FAM53B: variants seen among roughly 807,000 people sequenced by gnomAD.
The protein encoded by FAM53B is family with sequence similarity 53 member B.
Under a neutral mutation model 32.7 loss-of-function variants are expected in FAM53B, and 12 were observed. That is an observed-to-expected ratio of 0.37 (90% CI 0.24 to 0.59). FAM53B has a LOEUF of 0.59. FAM53B is among the 20% of genes least tolerant of loss of function. The probability of loss-of-function intolerance (pLI) is 0.72; values close to 1 mark genes in which losing one functional copy is unlikely to be tolerated. For synonymous variants in FAM53B, 234 were observed against 228.7 expected, an observed-to-expected ratio of 1.02 and a Z score of -0.21; for missense variants, 477 against 577.7, an observed-to-expected ratio of 0.83 and a Z score of 1.79.
At chr10:124,689,376 G>T (rs1230104266) in intron 3 of FAM53B, among the ~76,000 whole-genome samples, 1 of 152,214 alleles carries the variant, frequency 6.6e-6, no homozygotes, top group Admixed American at 6.5e-5. Flanking sequence ...CTCTTTGCCT[G>T]TATGACCAGA....
rs567842065 is a variant in FAM53B at position 124,689,254 on chromosome 10, C to T, written c.134-6875G>A. Among the ~76,000 whole-genome samples, 10 of 152,072 alleles carry T rather than the reference C, an allele frequency of 6.6e-5. No homozygotes were observed. In the East Asian group the frequency reaches 1.4e-3, roughly 21 times the overall value. ...AGGCGGTTTTGCTAAACTGATCTTA[C>T]GAAAAGAACATGGGGGTGGGGGGGA... On this transcript the variant is annotated intron_variant, in intron 3 of 4. Coordinates refer to ENST00000337318, the MANE Select transcript of FAM53B (RefSeq NM_014661.4).
At chr10:124,652,793 C>G (rs1269808947) in intron 4 of FAM53B, among the ~76,000 whole-genome samples, 2 of 152,154 alleles carry the variant, frequency 1.3e-5, no homozygotes, top group Non-Finnish European at 2.9e-5. Context: ...CAAGAGTACC[C>G]AGGGAACGGC....
At chr10:124,735,674 G>A (rs1012908717) in intron 1 of FAM53B, among the ~76,000 whole-genome samples, 5 of 152,182 alleles carry the variant, frequency 3.3e-5, no homozygotes, top group Admixed American at 2.6e-4. Flanking sequence ...TTCAGTCCTC[G>A]CAACAGCACG....
At chr10:124,693,979 C>T (rs935365791) in intron 3 of FAM53B, among the ~76,000 whole-genome samples, 10 of 152,228 alleles carry the variant, frequency 6.6e-5, no homozygotes, top group African/African-American at 1.9e-4. Context: ...CAGTGAAACA[C>T]GTCAGTGATG....
chr10:124,624,603 G>A (rs569163258), intron 4 of FAM53B, among the ~76,000 whole-genome samples: 1 of 152,292 alleles, frequency 6.6e-6, no homozygotes, highest in East Asian at 1.9e-4. Flanking sequence ...CACCAAGTGT[G>A]CTCCCAGGCT....
chr10:124,640,545 C>T (rs1949463811), intron 4 of FAM53B, among the ~76,000 whole-genome samples: 1 of 152,228 alleles, frequency 6.6e-6, no homozygotes, highest in Admixed American at 6.5e-5. Context: ...CCCCTAGAAT[C>T]TTGTCTTGTC....
intron 3 of FAM53B, among the ~76,000 whole-genome samples, chr10:124,695,240 T>A (rs976336335): frequency 6.6e-6 from 1 of 152,096 alleles, no homozygotes; most frequent in Non-Finnish European, 1.5e-5. Flanking sequence ...CACGCAGACG[T>A]TACAGAAACT....
intron 1 of FAM53B, among the ~76,000 whole-genome samples, chr10:124,709,205 G>A (rs1418356131): frequency 1.3e-5 from 2 of 152,258 alleles, no homozygotes; most frequent in Admixed American, 1.3e-4. Flanking sequence ...CAAGGGCCTG[G>A]CTATATGATG....
intron 4 of FAM53B, among the ~76,000 whole-genome samples, chr10:124,626,845 G>A (rs556061643): frequency 4.7e-4 from 72 of 152,322 alleles, no homozygotes; most frequent in African/African-American, 1.2e-3. Flanking sequence ...TGGGCATCAC[G>A]GCGCCAGGCA....
chr10:124,678,868 G>A (rs1949752181), intron 4 of FAM53B, among the ~76,000 whole-genome samples: 1 of 152,174 alleles, frequency 6.6e-6, no homozygotes, highest in South Asian at 2.1e-4. Flanking sequence ...ATGGCCAGAG[G>A]GAAGCCCCCG....
intron 4 of FAM53B, among the ~76,000 whole-genome samples, chr10:124,675,336 G>A (rs1373921441): frequency 6.6e-6 from 1 of 152,216 alleles, no homozygotes; most frequent in Non-Finnish European, 1.5e-5. Context: ...TCTCCTGGAA[G>A]CCTGATGCCA....
chr10:124,641,226 T>C lies in FAM53B; in HGVS notation c.907-17622A>G, dbSNP rs367805484. 1.9e-4 allele frequency among the ~76,000 whole-genome samples: 29 copies of C among 152,200 alleles called. 1 individual carries two copies. Among genetic ancestry groups the C allele is most frequent in the Admixed American group, 1.5e-3 (23 of 15,284 alleles). On this transcript the variant is annotated intron_variant, in intron 4 of 4. Transcript: ENST00000337318. ...ACACACATACCTCTTCCTCGATATG[T>C]TGGATTCACTTCAACATGTTGCAGT... is the stretch of plus-strand genomic sequence containing the variant.
At chr10:124,640,813 A>G (rs1949465674) in intron 4 of FAM53B, among the ~76,000 whole-genome samples, 1 of 152,154 alleles carries the variant, frequency 6.6e-6, no homozygotes. Context: ...ACCATGCAAT[A>G]CAGCCCCGAG....
chr10:124,685,991 A>C (rs1221424339), intron 3 of FAM53B, among the ~76,000 whole-genome samples: 1 of 152,064 alleles, frequency 6.6e-6, no homozygotes, highest in African/African-American at 2.4e-5. Flanking sequence ...CATTCCCCAC[A>C]ACAAACCCTA....
intron 4 of FAM53B, among the ~76,000 whole-genome samples, chr10:124,656,639 C>T (rs374183701): frequency 2.0e-5 from 3 of 152,158 alleles, no homozygotes; most frequent in Admixed American, 6.5e-5. Context: ...ACGACCCTCC[C>T]GAAGGGACAA....
intron 2 of FAM53B, among the ~76,000 whole-genome samples, chr10:124,702,125 G>A (rs1408621219): frequency 6.6e-6 from 1 of 152,168 alleles, no homozygotes; most frequent in Non-Finnish European, 1.5e-5. Context: ...GGGGACCCAG[G>A]GTGAGCTGCG....
intron 4 of FAM53B, among the ~76,000 whole-genome samples, chr10:124,670,926 G>A (rs967501893): frequency 6.6e-6 from 1 of 152,200 alleles, no homozygotes; most frequent in African/African-American, 2.4e-5. Flanking sequence ...AACATCCCCA[G>A]GGCCTAGCTG....
chr10:124,737,663 C>T (rs1026710323), intron 1 of FAM53B, among the ~76,000 whole-genome samples: 1 of 152,212 alleles, frequency 6.6e-6, no homozygotes, highest in African/African-American at 2.4e-5. Context: ...AGCTCTCACT[C>T]TCCAAGCCCC....
At chr10:124,717,565 C>G (rs1034866996) in intron 1 of FAM53B, among the ~76,000 whole-genome samples, 1 of 152,216 alleles carries the variant, frequency 6.6e-6, no homozygotes, top group Non-Finnish European at 1.5e-5. Context: ...CTATGACCTC[C>G]CATAAAGCAG....
Sources: allele counts gnomAD v4.1 joint callset (sites outside exome capture counted in the v4.1 genomes callset), GRCh38; gene constraint gnomAD v4.1.1; transcripts MANE v1.5; gene names NCBI Gene and HGNC (gene_info 2026-07-23, HGNC 2026-07-21).